Variants in RIPK2 observed in about 807,000 individuals in gnomAD.
RIPK2 encodes the protein receptor interacting serine/threonine kinase 2, also known as receptor-interacting serine/threonine-protein kinase 2.
Under a neutral mutation model 60.9 loss-of-function variants are expected in RIPK2, and 38 were observed. The observed-to-expected ratio is 0.62, with a 90% CI of 0.48 to 0.82. RIPK2 has a LOEUF of 0.82. Among genes scored for constraint, RIPK2 ranks in the 40% least tolerant of loss-of-function variants. The pLI, the probability that RIPK2 is intolerant of heterozygous loss-of-function variation, is 0.00. For synonymous variants in RIPK2, 225 were observed against 223.4 expected (o/e 1.01, Z -0.06); for missense variants, 518 against 647.0 (o/e 0.80, Z 2.16).
chr8:89,768,358 G>T (rs994557963), intron 3 of RIPK2, among the ~76,000 whole-genome samples: 2 of 151,584 alleles, frequency 1.3e-5, no homozygotes, highest in African/African-American at 2.4e-5. Context: ...TCCAAGTTTT[G>T]TGTGATGCTG....
chr8:89,781,803 A>G (rs1041375699), intron 7 of RIPK2, among the ~76,000 whole-genome samples: 1 of 152,134 alleles, frequency 6.6e-6, no homozygotes, highest in Non-Finnish European at 1.5e-5. Flanking sequence ...ATATATACCT[A>G]TGATAAGGTT....
intron 1 of RIPK2, among the ~76,000 whole-genome samples, chr8:89,758,444 CA>C (rs1256567124): frequency 6.6e-6 from 1 of 152,208 alleles, no homozygotes; most frequent in Admixed American, 6.5e-5. Flanking sequence ...TCTGGAGATG[CA>C]GCAGTTGCAT....
Position 89,766,473 on chromosome 8 carries a change from C to G in RIPK2, c.483+977C>G, listed in dbSNP as rs78373987. ...GCAATGTGTGAGAGATCCAGCTATT[C>G]CGCATCATTTTCTAAAGGGATTCTT... On this transcript the variant is annotated intron_variant, in intron 3 of 10. Transcript: ENST00000220751. 3.1e-3 allele frequency among the ~76,000 whole-genome samples: 465 copies of G among 151,910 alleles called. 16 individuals are homozygous for G. In the East Asian group the frequency reaches 0.067, roughly 22 times the overall value.
At chr8:89,779,671 T>C (rs1456740465) in intron 6 of RIPK2, among the ~76,000 whole-genome samples, 1 of 152,148 alleles carries the variant, frequency 6.6e-6, no homozygotes, top group Non-Finnish European at 1.5e-5. Flanking sequence ...ATCTAAGAAC[T>C]CTGCCTAACC....
chr8:89,779,419 ATTC>A (rs1809460730), intron 6 of RIPK2, among the ~76,000 whole-genome samples: 2 of 142,586 alleles, frequency 1.4e-5, no homozygotes, highest in African/African-American at 5.2e-5. Flanking sequence ...GGTTCACACC[ATTC>A]TTCTGCCTCA....
chr8:89,780,069 A>G lies in RIPK2; in HGVS notation c.854-6A>G. The G allele has an allele frequency of 7.1e-7, 1 of 1,407,744 alleles. No individual in the cohort carries two copies. The highest frequency in any genetic ancestry group is 9.9e-7 in the Non-Finnish European group (1 of 1,011,522). The allele number at this position is 1,407,744 out of a possible 1,614,324, so 87.2% of individuals were successfully genotyped here. A position where few individuals can be genotyped will look rare whatever the true frequency, so the allele number is the denominator to read the frequency against. ...AACTCAACCTGTATTTTTTTCTCTT[A>G]TGTAGAATGTTTAATAGAACTTGAA... On this transcript the variant is annotated splice_region_variant and splice_polypyrimidine_tract_variant and intron_variant, in intron 6 of 10. Transcript: ENST00000220751.
At chr8:89,761,904 A>G (rs915394258) in intron 1 of RIPK2, among the ~76,000 whole-genome samples, 9 of 151,918 alleles carry the variant, frequency 5.9e-5, no homozygotes, top group African/African-American at 2.2e-4. Flanking sequence ...ACAATTCACA[A>G]TTTCCCAACT....
chr8:89,763,468 C>T (rs1312399861), intron 2 of RIPK2, among the ~76,000 whole-genome samples: 1 of 152,034 alleles, frequency 6.6e-6, no homozygotes, highest in African/African-American at 2.4e-5. Context: ...GCCATTTACC[C>T]TTTTTCCCAA....
chr8:89,764,850 G>A (rs1343915145), intron 2 of RIPK2, among the ~76,000 whole-genome samples: 2 of 152,120 alleles, frequency 1.3e-5, no homozygotes, highest in Middle Eastern at 3.4e-3. Context: ...AACTGATGCA[G>A]TGATTATAAT....
intron 9 of RIPK2, among the ~76,000 whole-genome samples, chr8:89,788,484 C>CT (rs1384010804): frequency 6.6e-6 from 1 of 151,816 alleles, no homozygotes; most frequent in Non-Finnish European, 1.5e-5. Context: ...AAATATAACA[C>CT]TAAGGTTCAT....
chr8:89,767,153 C>T (rs1809242535), intron 3 of RIPK2, among the ~76,000 whole-genome samples: 1 of 151,608 alleles, frequency 6.6e-6, no homozygotes, highest in Non-Finnish European at 1.5e-5. Flanking sequence ...CTGTGATCCA[C>T]CTTGAATTCA....
At chr8:89,777,545 A>C (rs1219831877) in intron 6 of RIPK2, among the ~76,000 whole-genome samples, 1 of 151,540 alleles carries the variant, frequency 6.6e-6, no homozygotes, top group South Asian at 2.1e-4. Context: ...ATGGCCTATA[A>C]ACATATCCAG....
chr8:89,763,959 C>G (rs935137747), intron 2 of RIPK2, among the ~76,000 whole-genome samples: 2 of 152,072 alleles, frequency 1.3e-5, no homozygotes, highest in African/African-American at 4.8e-5. Context: ...TTTCTTCCCA[C>G]ACCCCAGCAG....
intron 1 of RIPK2, among the ~76,000 whole-genome samples, chr8:89,762,525 T>C (rs1483945272): frequency 6.6e-6 from 1 of 152,242 alleles, no homozygotes; most frequent in Admixed American, 6.5e-5. Flanking sequence ...AGATAGACTT[T>C]ATAAATTTAA....
In RIPK2 at chr8:89,762,946, C is replaced by T; in HGVS notation, c.291C>T (p.Tyr97=). 1 of 1,526,510 alleles carries T rather than the reference C, an allele frequency of 6.6e-7. No individual in the cohort carries two copies. The highest frequency in any genetic ancestry group is 8.9e-7 in the Non-Finnish European group (1 of 1,129,286). The allele number at this position is 1,526,510 out of a possible 1,614,324, so 94.6% of individuals were successfully genotyped here. ...EPEFLGIVTE[Y]MPNGSLNELL... ...AATTTTTGGGAATAGTTACTGAATA[C>T]ATGCCAAATGGATCATTAAATGAAC... Residue 97 remains tyrosine, a synonymous_variant, in exon 2 of 11, where the codon TAC becomes TAT. Coordinates refer to ENST00000220751, the MANE Select transcript of RIPK2 (RefSeq NM_003821.6).
At chr8:89,759,780 A>T (rs953522748) in intron 1 of RIPK2, among the ~76,000 whole-genome samples, 3 of 152,218 alleles carry the variant, frequency 2.0e-5, no homozygotes, top group Non-Finnish European at 4.4e-5. Flanking sequence ...TTATGCAAAC[A>T]CTATATGGAA....
intron 8 of RIPK2, among the ~76,000 whole-genome samples, chr8:89,784,667 C>A (rs931580423): frequency 2.6e-5 from 4 of 152,152 alleles, no homozygotes; most frequent in African/African-American, 9.7e-5. Flanking sequence ...CCAAAGCCCT[C>A]CACAGTCCAA....
chr8:89,790,572 T>A lies in RIPK2; in HGVS notation c.*156T>A, dbSNP rs201970959. 5 of 533,672 alleles carry A rather than the reference T, an allele frequency of 9.4e-6. No individual in the cohort carries two copies. The Admixed American group carries it at 1.8e-4, about 19-fold the overall frequency. The allele number at this position is 533,672 out of a possible 1,614,324, so 33.1% of individuals were successfully genotyped here. On this transcript the variant is annotated 3_prime_UTR_variant, in exon 11 of 11. Transcript: ENST00000220751. ...CTCCATGACACTGCAGTATTTTTTT[T>A]AATTAATACAAGTAAAAAGTTTGAA...
At chr8:89,761,677 G>C (rs1016762859) in intron 1 of RIPK2, among the ~76,000 whole-genome samples, 1 of 151,240 alleles carries the variant, frequency 6.6e-6, no homozygotes, top group South Asian at 2.1e-4. Context: ...GAGTAGGGAG[G>C]GCCAGTCTGG....
Sources: gnomAD v4.1 joint callset for allele counts (sites outside exome capture counted in the v4.1 genomes callset) on GRCh38, gnomAD v4.1.1 for gene constraint, MANE v1.5 for transcripts, NCBI Gene and HGNC (gene_info 2026-07-23, HGNC 2026-07-21) for gene names.